ANKS6: variants seen among roughly 807,000 people sequenced by gnomAD.
The protein encoded by ANKS6 is ankyrin repeat and sterile alpha motif domain containing 6, also known as ankyrin repeat and SAM domain-containing protein 6.
A neutral mutation model predicts 77.9 loss-of-function variants in ANKS6; 47 were observed. The ratio of observed to expected loss-of-function variants is 0.60; its 90% CI spans 0.48 to 0.77. The LOEUF (loss-of-function observed/expected upper bound fraction) is 0.77. ANKS6 is among the 30% of genes least tolerant of loss of function. The pLI is 0.00. For missense variants in ANKS6, 1,150 were observed against 1,159.1 expected (o/e 0.99, Z 0.11); for synonymous variants, 488 against 501.7 (o/e 0.97, Z 0.37).
At chr9:98,760,526 T>A (rs1410116445) in intron 11 of ANKS6, among the ~76,000 whole-genome samples, 1 of 152,234 alleles carries the variant, frequency 6.6e-6, no homozygotes, top group Non-Finnish European at 1.5e-5. Context: ...CTTTGGAGAT[T>A]CTAAGGATTT....
At chr9:98,764,120 T>C (rs1833150486) in intron 11 of ANKS6, among the ~76,000 whole-genome samples, 1 of 152,192 alleles carries the variant, frequency 6.6e-6, no homozygotes, top group Non-Finnish European at 1.5e-5. Context: ...CCAATTCATT[T>C]TATGAGCCAA....
At chr9:98,777,593 T>G (rs1188290561) in intron 7 of ANKS6, 139 bp from the exon 8 acceptor site, 2 of 744,922 alleles carry the variant, frequency 2.7e-6, no homozygotes, top group Non-Finnish European at 4.5e-6. Flanking sequence ...GTATTCGATA[T>G]TTTAATAGAA....
At chr9:98,788,523 A>T (rs1034364131) in intron 2 of ANKS6, among the ~76,000 whole-genome samples, 2 of 152,320 alleles carry the variant, frequency 1.3e-5, no homozygotes, top group South Asian at 4.1e-4. Context: ...TCAAAAACAA[A>T]AACAAAACAA....
At chr9:98,767,952 G>A in intron 11 of ANKS6, 129 bp downstream of exon 11, 2 of 1,290,962 alleles carry the variant, frequency 1.5e-6, no homozygotes, top group South Asian at 3.0e-5. Flanking sequence ...GCCCAGGAGT[G>A]GCTGGCTGGA....
intron 12 of ANKS6, among the ~76,000 whole-genome samples, chr9:98,754,659 TC>T (rs980414500): frequency 2.0e-5 from 3 of 151,432 alleles, no homozygotes; most frequent in African/African-American, 7.3e-5. Flanking sequence ...AAAAAGCTCT[TC>T]GGGGATGGAT....
rs779225287 is a variant in ANKS6, at chr9:98,732,314, G to A, written c.*4205C>T. 2.6e-5 allele frequency: 18 copies of A among 688,858 alleles called. No individual in the cohort carries two copies. The highest frequency in any genetic ancestry group is 5.8e-5 in the Admixed American group (2 of 34,294). The allele number at this position is 688,858 out of a possible 1,614,324, so 42.7% of individuals were successfully genotyped here. A position where few individuals can be genotyped will look rare whatever the true frequency, so the allele number is the denominator to read the frequency against. On this transcript the variant is annotated 3_prime_UTR_variant, in exon 15 of 15. Coordinates refer to ENST00000353234, the MANE Select transcript of ANKS6 (RefSeq NM_173551.5). Reference sequence around the variant, plus strand: ...GCTCTGAGGCAAGAATAAAAGGGACGAGTTCCCTGCCCCCTTTTTACCCGC... The same window carrying A: ...GCTCTGAGGCAAGAATAAAAGGGACAAGTTCCCTGCCCCCTTTTTACCCGC...
chr9:98,786,852 A>T (rs1017992068), intron 2 of ANKS6, among the ~76,000 whole-genome samples: 2 of 152,152 alleles, frequency 1.3e-5, no homozygotes, highest in African/African-American at 4.8e-5. Context: ...CTGACAGCAG[A>T]GCCTGGCCCC....
chr9:98,764,950 ATATAG>A (rs1833189847), intron 11 of ANKS6, among the ~76,000 whole-genome samples: 2 of 152,324 alleles, frequency 1.3e-5, no homozygotes, highest in South Asian at 2.1e-4. Flanking sequence ...TGGACATATT[ATATAG>A]TAGAGTATAG....
Position 98,734,647 on chromosome 9 carries a change from C to A in ANKS6, c.*1872G>T, listed in dbSNP as rs970724513. 17 of 948,226 alleles carry A rather than the reference C, an allele frequency of 1.8e-5. 1 individual carries two copies. The highest frequency in any genetic ancestry group is 1.2e-4 in the Admixed American group (2 of 16,222). 58.7% of individuals were successfully genotyped at this position (948,226 alleles called of 1,614,324 possible). On this transcript the variant is annotated 3_prime_UTR_variant, in exon 15 of 15. Coordinates refer to ENST00000353234, the MANE Select transcript of ANKS6 (RefSeq NM_173551.5). ...TGACCCCAGATCTGCTCCTTCTGGG[C>A]TGTTTAACTGGCAAGCTGCTTCCCT...
Position 98,733,539 on chromosome 9 carries a change from G to A in ANKS6, c.*2980C>T. ...GGGGAGAAAAAGGTGACCACCAAGG[G>A]CCCTGACCCACTTCCAGGGCTGCAA... On this transcript the variant is annotated 3_prime_UTR_variant, in exon 15 of 15. Coordinates refer to ENST00000353234, the MANE Select transcript of ANKS6 (RefSeq NM_173551.5). 2.0e-6 allele frequency: 2 copies of A among 985,482 alleles called. No individual in the cohort carries two copies. The highest frequency in any genetic ancestry group is 2.4e-6 in the Non-Finnish European group (2 of 829,968). 61.0% of individuals were successfully genotyped at this position (985,482 alleles called of 1,614,324 possible).
At chr9:98,789,910 C>T (rs946461682) in intron 2 of ANKS6, 194 bp downstream of exon 2, 8 of 762,526 alleles carry the variant, frequency 1.0e-5, no homozygotes, top group South Asian at 3.4e-5. Flanking sequence ...AATCACTCTG[C>T]AGAGAGTGGG....
rs11437180 is a variant in ANKS6 at position 98,789,428 on chromosome 9, T to TAAAA, written c.862+672_862+675dup. Among the ~76,000 whole-genome samples the TAAAA allele has an allele frequency of 4.2e-4, 54 of 129,958 alleles. 1 individual carries two copies. Among genetic ancestry groups the TAAAA allele is most frequent in the African/African-American group, 1.0e-3 (35 of 34,850 alleles). 85.3% of individuals were successfully genotyped at this position (129,958 alleles called of 152,430 possible). On this transcript the variant is annotated intron_variant, in intron 2 of 14. Coordinates refer to ENST00000353234, the MANE Select transcript of ANKS6 (RefSeq NM_173551.5). ...ACATGCCAGAGAGATGGCAAGAAGT[T>TAAAA]AAAAAAAAAAAAAAAAAAAAGATGC...
chr9:98,795,060 G>C (rs188179321), intron 1 of ANKS6, among the ~76,000 whole-genome samples: 17 of 152,212 alleles, frequency 1.1e-4, no homozygotes, highest in Admixed American at 1.0e-3. Flanking sequence ...ATCATGGCAG[G>C]CTTCACAGAA....
chr9:98,796,006 T>C (rs1835153912), intron 1 of ANKS6, 127 bp downstream of exon 1: 3 of 929,386 alleles, frequency 3.2e-6, no homozygotes, highest in Admixed American at 4.3e-5. Context: ...CTACTCAAAG[T>C]TTACCATTCC....
chr9:98,762,779 G>A (rs961264542), intron 11 of ANKS6, among the ~76,000 whole-genome samples: 2 of 151,992 alleles, frequency 1.3e-5, no homozygotes, highest in Non-Finnish European at 2.9e-5. Context: ...GATTAGATTT[G>A]CTCATATTTT....
In ANKS6 at chr9:98,750,960, C is replaced by G. The variant is rs1323140880; in HGVS notation, c.2394+69G>C. On this transcript the variant is annotated intron_variant, in intron 13 of 14. Transcript: ENST00000353234. ...TCAATCTAGGCTTGCAAAATGAAAA[C>G]CTACACATTTAGACAAATTTTTCTT... The G allele has an allele frequency of 2.1e-5, 27 of 1,304,930 alleles. No individual in the cohort carries two copies. In the South Asian group the frequency reaches 2.9e-4, roughly 14 times the overall value. The allele number at this position is 1,304,930 out of a possible 1,614,324, so 80.8% of individuals were successfully genotyped here. A position where few individuals can be genotyped will look rare whatever the true frequency, so the allele number is the denominator to read the frequency against.
intron 4 of ANKS6, 30 bp from the exon 5 acceptor site, chr9:98,782,603 T>C (rs777313094): frequency 2.0e-5 from 32 of 1,581,818 alleles, no homozygotes; most frequent in Non-Finnish European, 1.7e-5. Flanking sequence ...TTACATTCAC[T>C]GAAAGCAAAG....
At position 98,775,060 on chromosome 9, in the gene ANKS6, T is replaced by C. The variant is rs993453139; in HGVS notation, c.1618-980A>G. Among the ~76,000 whole-genome samples, 21 of 152,320 alleles carry C rather than the reference T, an allele frequency of 1.4e-4. 1 individual carries two copies. In the South Asian group the frequency reaches 4.4e-3, roughly 32 times the overall value. On this transcript the variant is annotated intron_variant, in intron 8 of 14. Transcript: ENST00000353234. ...GGTTCCCAGGCTGGCTCTGTCCTGC[T>C]TTTCTGAGTCTCTAAACAAGTGCTG... is the stretch of plus-strand genomic sequence containing the variant.
intron 2 of ANKS6, among the ~76,000 whole-genome samples, chr9:98,789,336 C>T (rs1177116829): frequency 6.8e-6 from 1 of 147,684 alleles, no homozygotes; most frequent in Non-Finnish European, 1.5e-5. Flanking sequence ...GCAAACCGTG[C>T]ATTAAAGGTT....
Sources: allele counts gnomAD v4.1 joint callset (sites outside exome capture counted in the v4.1 genomes callset), GRCh38; gene constraint gnomAD v4.1.1; transcripts MANE v1.5; gene names NCBI Gene and HGNC (gene_info 2026-07-23, HGNC 2026-07-21).